CAMSAP2: variants seen among roughly 807,000 people sequenced by gnomAD.
The protein encoded by CAMSAP2 is calmodulin regulated spectrin associated protein family member 2, also known as calmodulin-regulated spectrin-associated protein 2.
A neutral mutation model predicts 146.1 loss-of-function variants in CAMSAP2; 26 were observed. The ratio of observed to expected loss-of-function variants is 0.18; its 90% CI spans 0.13 to 0.25. The LOEUF (loss-of-function observed/expected upper bound fraction) is 0.25, where lower values mean the gene tolerates loss of function less well. Among genes scored for constraint, CAMSAP2 ranks in the 10% least tolerant of loss-of-function variants. The pLI is 1.00. For missense variants in CAMSAP2, 1,381 were observed against 1,759.3 expected (o/e 0.78, Z 3.85); for synonymous variants, 499 against 596.6 (o/e 0.84, Z 2.38).
intron 2 of CAMSAP2, among the ~76,000 whole-genome samples, chr1:200,772,124 CAGTT>C (rs573794805): frequency 2.8e-4 from 42 of 152,202 alleles, no homozygotes; most frequent in African/African-American, 9.4e-4. Context: ...CTATGACTCA[CAGTT>C]AGGAATGCAT....
intron 1 of CAMSAP2, among the ~76,000 whole-genome samples, chr1:200,749,446 T>TG (rs369115253): frequency 6.6e-6 from 1 of 152,008 alleles, no homozygotes; most frequent in East Asian, 1.9e-4. Context: ...TGACTCTTGT[T>TG]TAGTGTCATG....
chr1:200,743,855 C>T (rs1313978718), intron 1 of CAMSAP2, among the ~76,000 whole-genome samples: 7 of 152,032 alleles, frequency 4.6e-5, no homozygotes, highest in Admixed American at 2.0e-4. Context: ...GCAGGATAAT[C>T]GCTTGAACCC....
intron 3 of CAMSAP2, among the ~76,000 whole-genome samples, chr1:200,814,609 CA>C (rs1204730822): frequency 1.2e-4 from 3 of 24,132 alleles, no homozygotes; most frequent in Admixed American, 7.3e-4. Context: ...GATTGCATCC[CA>C]AAAAAAAAAA....
At chr1:200,750,647 A>G (rs6703201) in intron 1 of CAMSAP2, among the ~76,000 whole-genome samples, 107,933 of 148,830 alleles carry the variant, frequency 0.73, 39,206 homozygotes, top group Middle Eastern at 0.78. Context: ...TTTTTGAGAC[A>G]GAGTTTCGCT....
chr1:200,779,016 A>G (rs1310615364), intron 2 of CAMSAP2, among the ~76,000 whole-genome samples: 1 of 152,192 alleles, frequency 6.6e-6, no homozygotes, highest in Non-Finnish European at 1.5e-5. Context: ...TTGTTAGCAA[A>G]TTGGGAAATT....
chr1:200,786,463 A>C (rs1665595478), intron 2 of CAMSAP2, among the ~76,000 whole-genome samples: 1 of 150,872 alleles, frequency 6.6e-6, no homozygotes, highest in African/African-American at 2.4e-5. Context: ...AGCTCGCTGC[A>C]GCCTCCGCCT....
At chr1:200,852,209 TTGG>T (rs1397602786) in intron 11 of CAMSAP2, among the ~76,000 whole-genome samples, 5 of 152,206 alleles carry the variant, frequency 3.3e-5, no homozygotes, top group African/African-American at 7.2e-5. Context: ...ATTTTAAAAA[TTGG>T]TGGGGGAACT....
rs1558207057 is a variant in CAMSAP2 at position 200,847,394 on chromosome 1, TGTG to T, written c.1192+103_1192+105del. 87 of 782,456 alleles carry T rather than the reference TGTG, an allele frequency of 1.1e-4. 1 individual carries two copies. In the Middle Eastern group the frequency reaches 1.4e-3, roughly 13 times the overall value. The allele number at this position is 782,456 out of a possible 1,614,324, so 48.5% of individuals were successfully genotyped here. On this transcript the variant is annotated intron_variant, in intron 9 of 16. Coordinates refer to ENST00000358823, the MANE Select transcript of CAMSAP2 (RefSeq NM_203459.4). ...TAAACAAATATCCAGGGTTTTTTTG[TGTG>T]TGTGTGTGTGTGTTTTTTTGTTTGT... is the stretch of plus-strand genomic sequence containing the variant.
chr1:200,741,134 T>C (rs1047045244), intron 1 of CAMSAP2, among the ~76,000 whole-genome samples: 6 of 152,238 alleles, frequency 3.9e-5, no homozygotes, highest in Non-Finnish European at 8.8e-5. Context: ...CCTACTTAAA[T>C]AGCAGATTAA....
At chr1:200,807,334 A>C in intron 2 of CAMSAP2, 42 bp from the exon 3 acceptor site, 1 of 1,388,540 alleles carries the variant, frequency 7.2e-7, no homozygotes, top group Non-Finnish European at 9.5e-7. Context: ...GCAATTTCTA[A>C]ATATAATTTT....
intron 6 of CAMSAP2, among the ~76,000 whole-genome samples, chr1:200,838,873 A>T (rs1423096217): frequency 1.3e-5 from 2 of 152,190 alleles, no homozygotes. Flanking sequence ...AGGATGCAAA[A>T]TCTGCATGCT....
chr1:200,743,783 A>G (rs893448367), intron 1 of CAMSAP2, among the ~76,000 whole-genome samples: 16 of 151,800 alleles, frequency 1.1e-4, no homozygotes, highest in East Asian at 1.9e-4. Context: ...TCTACTAAAA[A>G]TAGAAAAATT....
In CAMSAP2 at chr1:200,848,672, A is replaced by C; in HGVS notation, c.1903A>C (p.Ser635Arg). The change falls in exon 11 of 17, where the codon AGC becomes CGC. Residue 635 changes from serine to arginine, a missense_variant. Ser to Arg is a moderately radical substitution (Grantham distance 110). Transcript: ENST00000358823. ...TTCTTCGTTGAGAGATTATACTGTAAGCTTGGACTCTGACATGGATGATGC... is the reference window on the plus strand; with the variant it reads ...TTCTTCGTTGAGAGATTATACTGTACGCTTGGACTCTGACATGGATGATGC... ...EDSSLRDYTV[S>R]LDSDMDDASK... is the part of the protein sequence containing the mutation. 1 of 1,614,122 alleles carries C rather than the reference A, an allele frequency of 6.2e-7. No homozygotes were observed. The highest frequency in any genetic ancestry group is 1.1e-5 in the South Asian group (1 of 91,070).
chr1:200,756,842 C>A (rs1342853076), intron 1 of CAMSAP2, among the ~76,000 whole-genome samples: 2 of 152,060 alleles, frequency 1.3e-5, no homozygotes, highest in African/African-American at 4.8e-5. Flanking sequence ...GTACCAGGCG[C>A]TGAGTTAGGC....
chr1:200,856,567 C>T (rs1438345499), intron 15 of CAMSAP2, among the ~76,000 whole-genome samples: 1 of 152,148 alleles, frequency 6.6e-6, no homozygotes, highest in East Asian at 1.9e-4. Flanking sequence ...CTTCTAGCTT[C>T]TAGGTAGGCA....
rs1213344856 is a variant in CAMSAP2 at position 200,859,399 on chromosome 1, A to G, written c.*1340A>G. 2 of 152,790 alleles carry G rather than the reference A, an allele frequency of 1.3e-5. No individual in the cohort carries two copies. Among genetic ancestry groups the G allele is most frequent in the South Asian group, 2.1e-4 (1 of 4,826 alleles). The allele number at this position is 152,790 out of a possible 1,614,324, so 9.5% of individuals were successfully genotyped here. On this transcript the variant is annotated 3_prime_UTR_variant, in exon 17 of 17. Transcript: ENST00000358823. The stretch of plus-strand genomic sequence containing the variant: ...TTCTCTAATTGAGTTGTTTAGAGAA[A>G]GAACTAATGTCTCATATGATGTATT...
At chr1:200,804,593 A>C (rs1396323832) in intron 2 of CAMSAP2, among the ~76,000 whole-genome samples, 1 of 152,326 alleles carries the variant, frequency 6.6e-6, no homozygotes, top group South Asian at 2.1e-4. Flanking sequence ...GCTGTTAAAC[A>C]GGAATTTACT....
intron 6 of CAMSAP2, among the ~76,000 whole-genome samples, chr1:200,837,579 T>A (rs375601186): frequency 3.9e-5 from 6 of 152,266 alleles, no homozygotes; most frequent in African/African-American, 1.2e-4. Context: ...TCAATATGAT[T>A]TTTAAAATAG....
rs916651022 is a variant in CAMSAP2 at position 200,785,465 on chromosome 1, T to G, written c.400-21911T>G. On this transcript the variant is annotated intron_variant, in intron 2 of 16. Transcript: ENST00000358823. ...GTGCAGTGGCCTGATCTTGGCTCAC[T>G]GCAACCTCTGCCTCCCAGGTTCAAG... Among the ~76,000 whole-genome samples, 3 of 150,598 alleles carry G rather than the reference T, an allele frequency of 2.0e-5. No homozygotes were observed. The Admixed American group carries it at 2.0e-4, about 10-fold the overall frequency.
Sources: gnomAD v4.1 joint callset for allele counts (sites outside exome capture counted in the v4.1 genomes callset) on GRCh38, gnomAD v4.1.1 for gene constraint, MANE v1.5 for transcripts, NCBI Gene and HGNC (gene_info 2026-07-23, HGNC 2026-07-21) for gene names.